MED21: variants seen among roughly 807,000 people sequenced by gnomAD.
MED21 encodes the protein mediator complex subunit 21.
A neutral mutation model predicts 18.2 loss-of-function variants in MED21; 9 were observed. The ratio of observed to expected loss-of-function variants is 0.49; its 90% CI spans 0.30 to 0.86. MED21 has a LOEUF of 0.86. Among genes scored for constraint, MED21 ranks in the 40% least tolerant of loss-of-function variants. The pLI, the probability that MED21 is intolerant of heterozygous loss-of-function variation, is 0.07. For missense variants in MED21, 150 were observed against 170.9 expected (o/e 0.88, Z 0.68); for synonymous variants, 73 against 60.5 (o/e 1.21, Z -0.96).
At chr12:27,025,121 G>A (rs1941526856) in intron 1 of MED21, among the ~76,000 whole-genome samples, 1 of 152,174 alleles carries the variant, frequency 6.6e-6, no homozygotes, top group African/African-American at 2.4e-5. Flanking sequence ...ACACTGTGTT[G>A]AATATTTTTT....
chr12:27,026,326 A>T (rs1941544203), intron 1 of MED21, 94 bp from the exon 2 acceptor site: 1 of 702,746 alleles, frequency 1.4e-6, no homozygotes, highest in African/African-American at 1.8e-5. Flanking sequence ...CTCAGAGATT[A>T]TCATTACAGA....
rs1308893980 is a variant in MED21, at chr12:27,027,340, TC to T, written c.158-6del. On this transcript the variant is annotated splice_region_variant and splice_polypyrimidine_tract_variant and intron_variant, in intron 2 of 3. Coordinates refer to ENST00000282892, the MANE Select transcript of MED21 (RefSeq NM_004264.5). ...TAATATCCTAATCTAGCAGTATCTT[TC>T]TCTAGAGTATGCCCAGCTTTTTGCA... 2 of 1,601,788 alleles carry T rather than the reference TC, an allele frequency of 1.2e-6. No homozygotes were observed. The highest frequency in any genetic ancestry group is 1.7e-6 in the Non-Finnish European group (2 of 1,172,420).
chr12:27,033,929 T>A (rs1289724644), downstream of MED21, among the ~76,000 whole-genome samples: 1 of 151,754 alleles, frequency 6.6e-6, no homozygotes, highest in Non-Finnish European at 1.5e-5. Context: ...AGTATCTAAC[T>A]GAAAGAGAAA....
At position 27,029,950 on chromosome 12, in the gene MED21, T is replaced by C. The variant is rs1401689625; in HGVS notation, c.*1489T>C. The C allele has an allele frequency of 2.8e-6, 1 of 353,494 alleles. No homozygotes were observed. Among genetic ancestry groups the C allele is most frequent in the Admixed American group, 6.4e-5 (1 of 15,508 alleles). The allele number at this position is 353,494 out of a possible 1,614,324, so 21.9% of individuals were successfully genotyped here. ...CTCTAAAAGAATTCAAGGGAAGCTT[T>C]TTAAAAAGAAGGGAAGTTATAGCAG... On this transcript the variant is annotated 3_prime_UTR_variant, in exon 4 of 4. Coordinates refer to ENST00000282892, the MANE Select transcript of MED21 (RefSeq NM_004264.5).
intron 2 of MED21, chr12:27,038,233 T>C (rs1477835347): frequency 6.6e-6 from 1 of 151,350 alleles, no homozygotes; most frequent in African/African-American, 2.4e-5. Context: ...AAAAACAATA[T>C]GTAACATACC....
chr12:27,036,507 C>T (rs1374149652), intron 2 of MED21, among the ~76,000 whole-genome samples: 1 of 152,162 alleles, frequency 6.6e-6, no homozygotes, highest in Non-Finnish European at 1.5e-5. Context: ...ACATGAAGTC[C>T]TTGCCCATGC....
Position 27,030,108 on chromosome 12 carries a change from G to T in MED21, c.*1647G>T, listed in dbSNP as rs1165399759. On this transcript the variant is annotated 3_prime_UTR_variant, in exon 4 of 4. Transcript: ENST00000282892. ...TTAACGTTGTTGTATGTGATTCTCT[G>T]TAGAGGATATACAGTTTTTTTTTGT... 2 of 578,216 alleles carry T rather than the reference G, an allele frequency of 3.5e-6. No individual in the cohort carries two copies. Among genetic ancestry groups the T allele is most frequent in the South Asian group, 4.4e-5 (2 of 45,738 alleles). 35.8% of individuals were successfully genotyped at this position (578,216 alleles called of 1,614,324 possible).
rs1487649024 is a variant in MED21 at position 27,027,380 on chromosome 12, G to A, written c.191G>A (p.Arg64Gln). 10 of 1,613,558 alleles carry A rather than the reference G, an allele frequency of 6.2e-6. No individual in the cohort carries two copies. The highest frequency in any genetic ancestry group is 4.5e-5 in the East Asian group (2 of 44,864). ...YAQLFAALIA[R>Q]TAKDIDVLID... is the part of the protein sequence containing the mutation. ...CAGCTTTTTGCAGCACTGATTGCAC[G>A]AACAGCAAAAGACATTGATGTTTTG... The change falls in exon 3 of 4, where the codon CGA becomes CAA. Residue 64 changes from arginine to glutamine, a missense_variant. Transcript: ENST00000282892.
chr12:27,031,183 A>T (rs1941616825), downstream of MED21, among the ~76,000 whole-genome samples: 1 of 152,198 alleles, frequency 6.6e-6, no homozygotes, highest in South Asian at 2.1e-4. Flanking sequence ...CTGGGATTAC[A>T]GGCATGAGCC....
In MED21 at chr12:27,029,791, G is replaced by A. The variant is rs574662977; in HGVS notation, c.*1330G>A. ...TGTACTCTTCATTATAGTTTTGGGG[G>A]GAGAGAAGATTCAGTCAGAAAACTT... On this transcript the variant is annotated 3_prime_UTR_variant, in exon 4 of 4. Transcript: ENST00000282892. 360 of 988,604 alleles carry A rather than the reference G, an allele frequency of 3.6e-4. No individual in the cohort carries two copies. Among genetic ancestry groups the A allele is most frequent in the Non-Finnish European group, 4.2e-4 (347 of 831,810 alleles). The allele number at this position is 988,604 out of a possible 1,614,324, so 61.2% of individuals were successfully genotyped here.
rs769068236 is a variant in MED21, at chr12:27,028,428, T to A, written c.402T>A (p.Ser134Arg). The A allele has an allele frequency of 2.5e-6, 4 of 1,613,866 alleles. No individual in the cohort carries two copies. Among genetic ancestry groups the A allele is most frequent in the Non-Finnish European group, 3.4e-6 (4 of 1,179,838 alleles). ...DIAQSQLKTR[S>R]GTHSQSLPDS The stretch of plus-strand genomic sequence containing the variant: ...CACAGTCACAGCTGAAGACAAGAAG[T>A]GGTACCCATAGCCAGTCTCTTCCAG... The change falls in exon 4 of 4, where the codon AGT becomes AGA. Residue 134 changes from serine (S) to arginine (R), a missense_variant. Transcript: ENST00000282892.
At chr12:27,037,475 A>C (rs370318163) in intron 2 of MED21, 1 of 152,010 alleles carries the variant, frequency 6.6e-6, no homozygotes, top group African/African-American at 2.4e-5. Flanking sequence ...TTCCAACACT[A>C]TGTTGAATAG....
intron 3 of MED21, 87 bp from the exon 4 acceptor site, chr12:27,028,198 C>T (rs934334030): frequency 2.1e-6 from 3 of 1,431,498 alleles, no homozygotes; most frequent in East Asian, 2.3e-5. Flanking sequence ...ACAATGATTG[C>T]AAAGTCATCC....
intron 2 of MED21, chr12:27,038,949 AT>A (rs1941665499): frequency 1.3e-5 from 2 of 152,184 alleles, no homozygotes; most frequent in Admixed American, 6.5e-5. Context: ...GTTATAAAAA[AT>A]ATTTTAAAAA....
downstream of MED21, among the ~76,000 whole-genome samples, chr12:27,031,526 G>A (rs575870117): frequency 6.6e-6 from 1 of 152,282 alleles, no homozygotes; most frequent in East Asian, 1.9e-4. Flanking sequence ...CAAGTGATAA[G>A]TAACTTTTAC....
Position 27,028,758 on chromosome 12 carries a change from TA to T in MED21, c.*299del. The T allele has an allele frequency of 1.9e-6, 2 of 1,038,112 alleles. No individual in the cohort carries two copies. The highest frequency in any genetic ancestry group is 2.3e-6 in the Non-Finnish European group (2 of 860,664). 64.3% of individuals were successfully genotyped at this position (1,038,112 alleles called of 1,614,324 possible). A position where few individuals can be genotyped will look rare whatever the true frequency, so the allele number is the denominator to read the frequency against. Reference sequence around the variant, plus strand: ...ACATATGTAAAATTCTGTTATGACATAATTTATGTCTCCATTTTGTTGTATT... The same window carrying T: ...ACATATGTAAAATTCTGTTATGACATATTTATGTCTCCATTTTGTTGTATT... On this transcript the variant is annotated 3_prime_UTR_variant, in exon 4 of 4. Coordinates refer to ENST00000282892, the MANE Select transcript of MED21 (RefSeq NM_004264.5).
intron 2 of MED21, chr12:27,037,189 T>A (rs1364115918): frequency 2.0e-5 from 3 of 150,932 alleles, no homozygotes; most frequent in Admixed American, 2.0e-4. Context: ...AGTATTTTAT[T>A]CTCTTTGAAG....
intron 2 of MED21, among the ~76,000 whole-genome samples, chr12:27,036,399 C>T (rs371437481): frequency 2.6e-5 from 4 of 151,980 alleles, no homozygotes; most frequent in East Asian, 1.9e-4. Context: ...GCCTGTTCAC[C>T]CTGATGGTAG....
At chr12:27,038,364 G>A (rs1054246907) in intron 2 of MED21, 5 of 151,166 alleles carry the variant, frequency 3.3e-5, no homozygotes, top group African/African-American at 1.2e-4. Flanking sequence ...CTAGGGATGC[G>A]TATAACAAAA....
Sources: gnomAD v4.1 joint callset for allele counts (sites outside exome capture counted in the v4.1 genomes callset) on GRCh38, gnomAD v4.1.1 for gene constraint, MANE v1.5 for transcripts, NCBI Gene and HGNC (gene_info 2026-07-23, HGNC 2026-07-21) for gene names.